RELN: variants seen among roughly 807,000 people sequenced by gnomAD.
The protein encoded by RELN is reelin.
A neutral mutation model predicts 427.6 loss-of-function variants in RELN; 108 were observed. That is an observed-to-expected ratio of 0.25 (90% CI 0.22 to 0.30). The LOEUF (loss-of-function observed/expected upper bound fraction) is 0.30. Ranked by LOEUF, RELN falls within the 10% of genes least tolerant of loss-of-function variation. RELN has a pLI of 1.00. For missense variants in RELN, 3,715 were observed against 4,302.8 expected (o/e 0.86, Z 3.82); for synonymous variants, 1,524 against 1,513.4 (o/e 1.01, Z -0.16).
intron 11 of RELN, among the ~76,000 whole-genome samples, chr7:103,673,002 A>G (rs11973718): frequency 0.01 from 1,581 of 151,732 alleles, 25 homozygotes; most frequent in African/African-American, 0.036. Context: ...TTGACTTTCT[A>G]TTTCTTTGGT....
intron 19 of RELN, among the ~76,000 whole-genome samples, chr7:103,632,127 C>T (rs35323065): frequency 0.23 from 35,722 of 152,034 alleles, 5,109 homozygotes; most frequent in South Asian, 0.37. Context: ...AATATTTTCA[C>T]GGCAGAGGTG....
intron 47 of RELN, 86 bp downstream of exon 47, chr7:103,523,305 T>A: frequency 1.4e-6 from 2 of 1,472,152 alleles, no homozygotes; most frequent in South Asian, 2.3e-5. Flanking sequence ...AGCATGGGAG[T>A]GATTCAAAAA....
rs115549751 is a variant in RELN, at chr7:103,561,702, G to A, written c.5359C>T (p.Arg1787Trp). Residue 1787 changes from arginine to tryptophan, a missense_variant, in exon 36 of 65, where the codon CGG becomes TGG. Arg to Trp is a moderately radical substitution (Grantham distance 101). Around this residue, in one of 4 missense-constraint regions of RELN, gnomAD observed 2,208 missense variants for 2,361.7 expected, o/e 0.93. Coordinates refer to ENST00000428762, the MANE Select transcript of RELN (RefSeq NM_005045.4). ...ACACAATAGGGTCCACCAAAGCCCC[G>A]GTCACACCTAAGAAAGAGAGGGAGT... is the stretch of plus-strand genomic sequence containing the variant. ...ICDAGRCVCDRGFGGPYCVPV... is the reference protein window; with the variant it reads ...ICDAGRCVCDWGFGGPYCVPV... 5.6e-5 allele frequency: 91 copies of A among 1,613,852 alleles called. No individual in the cohort carries two copies. The East Asian group carries it at 1.6e-3, about 28-fold the overall frequency.
intron 2 of RELN, among the ~76,000 whole-genome samples, chr7:103,881,063 C>G (rs1004506814): frequency 6.6e-6 from 1 of 152,066 alleles, no homozygotes; most frequent in African/African-American, 2.4e-5. Context: ...TCATCTTAAG[C>G]AAACAAACCA....
At chr7:103,759,361 T>C (rs79409633) in intron 4 of RELN, among the ~76,000 whole-genome samples, 10,887 of 152,196 alleles carry the variant, frequency 0.072, 552 homozygotes, top group Non-Finnish European at 0.11. Flanking sequence ...TGATTGAGCC[T>C]AACACGAAAG....
chr7:103,520,959 T>TTG (rs1829689457), intron 48 of RELN, among the ~76,000 whole-genome samples: 1 of 49,688 alleles, frequency 2.0e-5, no homozygotes, highest in Non-Finnish European at 5.4e-5. Flanking sequence ...AATTTGTTAT[T>TTG]TTTTTTTTTT....
chr7:103,515,406 T>A lies in RELN; in HGVS notation c.7898A>T (p.Glu2633Val). The A allele has an allele frequency of 6.2e-7, 1 of 1,614,142 alleles. No individual in the cohort carries two copies. The highest frequency in any genetic ancestry group is 8.5e-7 in the Non-Finnish European group (1 of 1,180,018). ...CCACCAGCGGAAGCGAGTGGCAATC[T>A]CTTTAGCATCAGGAGGGAGAAGGAT... ...VNILLPPDAKEIATRFRWWQP... is the reference protein window; with the variant it reads ...VNILLPPDAKVIATRFRWWQP... The change falls in exon 50 of 65, where the codon GAG becomes GTG. Residue 2633 changes from glutamate (E) to valine (V), a missense_variant. Coordinates refer to ENST00000428762, the MANE Select transcript of RELN (RefSeq NM_005045.4).
At chr7:103,687,536 T>C (rs1833788354) in intron 10 of RELN, among the ~76,000 whole-genome samples, 2 of 152,000 alleles carry the variant, frequency 1.3e-5, no homozygotes, top group African/African-American at 4.8e-5. Flanking sequence ...CTTAGGAAAT[T>C]TGTAAACACT....
chr7:103,754,752 A>G (rs926253508), intron 4 of RELN, among the ~76,000 whole-genome samples: 1 of 152,120 alleles, frequency 6.6e-6, no homozygotes, highest in Admixed American at 6.5e-5. Context: ...CTCCAGCCTG[A>G]GCAAGAGAGT....
At chr7:103,883,752 A>G (rs1392250919) in intron 2 of RELN, among the ~76,000 whole-genome samples, 1 of 152,184 alleles carries the variant, frequency 6.6e-6, no homozygotes, top group African/African-American at 2.4e-5. Flanking sequence ...TTTCAAGGAG[A>G]ACAATAAAAC....
At chr7:103,589,242 CA>C (rs1584322237) in intron 28 of RELN, among the ~76,000 whole-genome samples, 1 of 152,180 alleles carries the variant, frequency 6.6e-6, no homozygotes, top group Non-Finnish European at 1.5e-5. Context: ...TGAGTGCAAA[CA>C]ATTACCCACC....
At chr7:103,548,850 C>T (rs1033235810) in intron 41 of RELN, among the ~76,000 whole-genome samples, 1 of 152,178 alleles carries the variant, frequency 6.6e-6, no homozygotes, top group Non-Finnish European at 1.5e-5. Flanking sequence ...GAGCACTCCC[C>T]TGGCATGGAC....
intron 1 of RELN, among the ~76,000 whole-genome samples, chr7:103,921,684 C>A (rs1337043408): frequency 5.3e-5 from 8 of 152,288 alleles, no homozygotes; most frequent in African/African-American, 1.9e-4. Flanking sequence ...AACCCTAAAT[C>A]TTCAATGTGG....
At chr7:103,481,541 G>A (rs1023617510) in intron 63 of RELN, among the ~76,000 whole-genome samples, 2 of 152,158 alleles carry the variant, frequency 1.3e-5, no homozygotes, top group Admixed American at 6.5e-5. Flanking sequence ...AGTTCCCACT[G>A]CAGATCAATT....
intron 2 of RELN, among the ~76,000 whole-genome samples, chr7:103,895,612 A>AT (rs552396057): frequency 1.6e-4 from 24 of 151,686 alleles, no homozygotes; most frequent in Non-Finnish European, 2.8e-4. Context: ...AATGGTCCTG[A>AT]TTTTTTTTTA....
In RELN at chr7:103,531,579, G is replaced by A. The variant is rs181240195; in HGVS notation, c.7349+3737C>T. ...AGCCCTGCTCTTCTCAAGCTCCCACGTCAATTTCATGACCCAGCTTGGTCA... is the reference window on the plus strand; with the variant it reads ...AGCCCTGCTCTTCTCAAGCTCCCACATCAATTTCATGACCCAGCTTGGTCA... On this transcript the variant is annotated intron_variant, in intron 46 of 64. Transcript: ENST00000428762. Among the ~76,000 whole-genome samples, 285 of 152,158 alleles carry A rather than the reference G, an allele frequency of 1.9e-3. 1 individual carries two copies. Among genetic ancestry groups the A allele is most frequent in the African/African-American group, 6.4e-3 (264 of 41,516 alleles).
Position 103,539,267 on chromosome 7 carries a change from C to G in RELN, c.6991G>C (p.Asp2331His). The change falls in exon 45 of 65, where the codon GAT becomes CAT. Residue 2331 changes from aspartate to histidine, a missense_variant. Physicochemically the swap from Asp to His is moderately conservative, Grantham distance 81. This residue lies in a region of RELN where 1,310 missense variants were observed against 1,643.0 expected (regional missense o/e 0.80). Transcript: ENST00000428762. Reference protein sequence around the residue: ...TVLEDDFTTLDSRKWLLHPGG... With the variant: ...TVLEDDFTTLHSRKWLLHPGG... ...GGGTGAAGCAGCCATTTCCTACTAT[C>G]AAGGGTTGTGAAATCATCTTCCAAG... 6.2e-7 allele frequency: 1 copy of G among 1,614,188 alleles called. No individual in the cohort carries two copies. Among genetic ancestry groups the G allele is most frequent in the Non-Finnish European group, 8.5e-7 (1 of 1,179,998 alleles).
At chr7:103,661,570 G>C in intron 11 of RELN, 43 bp from the exon 12 acceptor site, 1 of 1,567,012 alleles carries the variant, frequency 6.4e-7, no homozygotes, top group South Asian at 1.1e-5. Context: ...AGAATATTAA[G>C]CCAAATCTTT....
At chr7:103,489,183 A>G (rs1562845869) in intron 60 of RELN, among the ~76,000 whole-genome samples, 1 of 143,564 alleles carries the variant, frequency 7.0e-6, no homozygotes, top group East Asian at 2.1e-4. Context: ...GTGAAAATGT[A>G]TTTCTTTGAG....
Sources: allele counts gnomAD v4.1 joint callset (sites outside exome capture counted in the v4.1 genomes callset), GRCh38; gene constraint gnomAD v4.1.1; regional missense constraint gnomAD v4.1.1; transcripts MANE v1.5; gene names NCBI Gene and HGNC (gene_info 2026-07-23, HGNC 2026-07-21).